ATP2A3: variants seen among roughly 807,000 people sequenced by gnomAD.
ATP2A3 encodes the protein sarcoplasmic/endoplasmic reticulum calcium ATPase 3.
ATP2A3 carries 61 observed loss-of-function variants against 106.8 expected under a neutral mutation model. The observed-to-expected ratio is 0.57, with a 90% CI of 0.46 to 0.71. The LOEUF (loss-of-function observed/expected upper bound fraction) is 0.71, where lower values mean the gene tolerates loss of function less well. ATP2A3 is among the 30% of genes least tolerant of loss of function. The probability of loss-of-function intolerance (pLI) is 0.00; values close to 1 mark genes in which losing one functional copy is unlikely to be tolerated. For missense variants in ATP2A3, 1,201 were observed against 1,423.5 expected (o/e 0.84, Z 2.52); for synonymous variants, 611 against 609.3 (o/e 1.00, Z -0.04).
chr17:3,941,305 G>T lies in ATP2A3; in HGVS notation c.1766C>A (p.Thr589Lys), dbSNP rs776839427. 1.2e-6 allele frequency: 2 copies of T among 1,613,678 alleles called. No homozygotes were observed. The highest frequency in any genetic ancestry group is 1.3e-5 in the African/African-American group (1 of 75,064). ...TACGCAGCCCACGAAGGTCAGGTCCGTCTGTAGGGAGGGGGCAGATTCAAG... is the reference window on the plus strand; with the variant it reads ...TACGCAGCCCACGAAGGTCAGGTCCTTCTGTAGGGAGGGGGCAGATTCAAG... Reference protein sequence around the residue: ...DDCSKFVQYETDLTFVGCVGM... With the variant: ...DDCSKFVQYEKDLTFVGCVGM... Residue 589 changes from threonine to lysine, a missense_variant and splice_region_variant, in exon 14 of 21, where the codon ACG (threonine) becomes AAG (lysine). Thr to Lys is a moderately conservative substitution (Grantham distance 78). Coordinates refer to ENST00000397041, the MANE Select transcript of ATP2A3 (RefSeq NM_005173.4).
chr17:3,951,306 G>T lies in ATP2A3; in HGVS notation c.408C>A (p.Gly136=), dbSNP rs761536391. 1.9e-6 allele frequency: 3 copies of T among 1,613,912 alleles called. No homozygotes were observed. The highest frequency in any genetic ancestry group is 1.7e-6 in the Non-Finnish European group (2 of 1,180,012). The change falls in exon 5 of 21, where the codon GGC becomes GGA. Residue 136 remains glycine (G), a synonymous_variant. Transcript: ENST00000397041. ...MGKVIRSDRK[G]VQRIRARDIV... is the part of the protein sequence containing the mutation. Reference sequence around the variant, plus strand: ...TGTCCCGGGCACGGATCCTCTGCACGCCCTTGCGGTCCGAGCGGATCACCT... The same window carrying T: ...TGTCCCGGGCACGGATCCTCTGCACTCCCTTGCGGTCCGAGCGGATCACCT...
chr17:3,941,755 G>A, intron 12 of ATP2A3, 101 bp from the exon 13 acceptor site: 3 of 1,266,456 alleles, frequency 2.4e-6, no homozygotes, highest in South Asian at 2.5e-5. Flanking sequence ...ACGGGCAAAG[G>A]CCACCCAAGG....
At position 3,929,307 on chromosome 17, in the gene ATP2A3, G is replaced by T; in HGVS notation, c.2862+21C>A. 1.3e-6 allele frequency: 2 copies of T among 1,539,426 alleles called. No homozygotes were observed. The highest frequency in any genetic ancestry group is 1.8e-6 in the Non-Finnish European group (2 of 1,137,654). On this transcript the variant is annotated intron_variant, in intron 19 of 20. Coordinates refer to ENST00000397041, the MANE Select transcript of ATP2A3 (RefSeq NM_005173.4). This position sits in a 1 kb window ranked among gnomAD's most constrained non-coding sequence, Gnocchi z 4.3. Reference sequence around the variant, plus strand: ...TGTGATGTCCAGGGACCAGGGCAGTGGGGCAGGCGGGGTGACTCACAGGCA... The same window carrying T: ...TGTGATGTCCAGGGACCAGGGCAGTTGGGCAGGCGGGGTGACTCACAGGCA...
rs528824596 is a variant in ATP2A3, at chr17:3,956,808, C to T, written c.119-3098G>A. Reference sequence around the variant, plus strand: ...AGCTGAACCTGACTGATACCCCCTCCGCTGTGACCTGGCTTCCTCCGCAAA... The same window carrying T: ...AGCTGAACCTGACTGATACCCCCTCTGCTGTGACCTGGCTTCCTCCGCAAA... On this transcript the variant is annotated intron_variant, in intron 1 of 20. Coordinates refer to ENST00000397041, the MANE Select transcript of ATP2A3 (RefSeq NM_005173.4). Among the ~76,000 whole-genome samples, 146 of 152,334 alleles carry T rather than the reference C, an allele frequency of 9.6e-4. 1 individual carries two copies. The highest frequency in any genetic ancestry group is 6.8e-3 in the Middle Eastern group (2 of 294).
chr17:3,949,332 T>C (rs1347220481), intron 7 of ATP2A3, among the ~76,000 whole-genome samples: 1 of 152,130 alleles, frequency 6.6e-6, no homozygotes, highest in East Asian at 1.9e-4. Context: ...CTTGCTAGCT[T>C]TCTCTGAGGC....
rs762410736 is a variant in ATP2A3 at position 3,941,081 on chromosome 17, C to G, written c.1990G>C (p.Glu664Gln). Residue 664 changes from glutamate to glutamine, a missense_variant, in exon 14 of 21, where the codon GAG (glutamate) becomes CAG (glutamine). Glu to Gln is a conservative substitution (Grantham distance 29, BLOSUM62 2). Around this residue, in one of 2 missense-constraint regions of ATP2A3, gnomAD observed 935 missense variants for 1,176.7 expected, o/e 0.79. Transcript: ENST00000397041. ...GTGCGGCAGGCCTGGCGCTGCTGCT[C>G]GGGGCTGAGGTCATCAAACTCGCGG... ...TGREFDDLSP[E>Q]QQRQACRTAR... The G allele has an allele frequency of 9.3e-6, 15 of 1,613,582 alleles. No individual in the cohort carries two copies. In the Admixed American group the frequency reaches 2.2e-4, roughly 23 times the overall value.
rs760752188 is a variant in ATP2A3 at position 3,958,773 on chromosome 17, T to TAC, written c.119-5065_119-5064dup. Among the ~76,000 whole-genome samples the TAC allele has an allele frequency of 9.1e-5, 12 of 131,764 alleles. 1 individual carries two copies. The highest frequency in any genetic ancestry group is 6.4e-4 in the East Asian group (3 of 4,712). 86.4% of individuals were successfully genotyped at this position (131,764 alleles called of 152,430 possible). A position where few individuals can be genotyped will look rare whatever the true frequency, so the allele number is the denominator to read the frequency against. On this transcript the variant is annotated intron_variant, in intron 1 of 20. Transcript: ENST00000397041. ...ACATATATATACACACACATATATA[T>TAC]ACACACACATATATATACACATATA...
At position 3,928,578 on chromosome 17, in the gene ATP2A3, C is replaced by G. The variant is rs989536967; in HGVS notation, c.2980+85G>C. On this transcript the variant is annotated intron_variant, in intron 20 of 20. Transcript: ENST00000397041. This position sits in a 1 kb window ranked among gnomAD's most constrained non-coding sequence, Gnocchi z 6.1. ...GATGTGCAGACAGAGAGGCTCTGCGCTCCACACCCACAGCGTCCACTGCAG... is the reference window on the plus strand; with the variant it reads ...GATGTGCAGACAGAGAGGCTCTGCGGTCCACACCCACAGCGTCCACTGCAG... The G allele has an allele frequency of 2.2e-5, 28 of 1,269,260 alleles. No homozygotes were observed. The African/African-American group carries it at 3.9e-4, about 17-fold the overall frequency. 78.6% of individuals were successfully genotyped at this position (1,269,260 alleles called of 1,614,324 possible).
chr17:3,937,116 C>T, intron 15 of ATP2A3: 1 of 477,128 alleles, frequency 2.1e-6, no homozygotes. Context: ...AAAGGTGGGG[C>T]TTTTCTCTCA....
chr17:3,940,031 CTTTTTTTTTTTGTTTTTTGT>C lies in ATP2A3; in HGVS notation c.2100+920_2100+939del, dbSNP rs1454443188. On this transcript the variant is annotated intron_variant, in intron 14 of 20. Coordinates refer to ENST00000397041, the MANE Select transcript of ATP2A3 (RefSeq NM_005173.4). ...ATGGGTTGATGGTAATGTGTCATAT[CTTTTTTTTTTTGTTTTTTGT>C]TTTTTTTTTTTTTGGAGAGATGGGG... 1.3e-4 allele frequency among the ~76,000 whole-genome samples: 13 copies of C among 96,546 alleles called. 2 individuals are homozygous for C. Among genetic ancestry groups the C allele is most frequent in the African/African-American group, 6.2e-4 (13 of 21,126 alleles). 63.3% of individuals were successfully genotyped at this position (96,546 alleles called of 152,430 possible).
In ATP2A3 at chr17:3,925,332, A is replaced by C; in HGVS notation, c.*90T>G. 1 of 1,609,024 alleles carries C rather than the reference A, an allele frequency of 6.2e-7. No homozygotes were observed. The highest frequency in any genetic ancestry group is 8.5e-7 in the Non-Finnish European group (1 of 1,177,098). ...GCGGGACCCGGTGGGCAAGTGGGCG[A>C]GTGTGGTGGCAAGGGTGGGGGGCGG... On this transcript the variant is annotated 3_prime_UTR_variant, in exon 21 of 21. Coordinates refer to ENST00000397041, the MANE Select transcript of ATP2A3 (RefSeq NM_005173.4). This position sits in a 1 kb window ranked among gnomAD's most constrained non-coding sequence, Gnocchi z 4.2.
chr17:3,932,986 T>C (rs1302535753), intron 17 of ATP2A3, among the ~76,000 whole-genome samples: 2 of 151,372 alleles, frequency 1.3e-5, no homozygotes, highest in African/African-American at 4.9e-5. Context: ...AACAAGATCA[T>C]GTCAGGATGT....
chr17:3,928,482 G>C lies in ATP2A3; in HGVS notation c.2980+181C>G. ...CAGGTCCCCTGCAGTGCAAGACCCT[G>C]CGGACACCTTGGGACCCAGCCACCA... is the stretch of plus-strand genomic sequence containing the variant. On this transcript the variant is annotated intron_variant, in intron 20 of 20. Coordinates refer to ENST00000397041, the MANE Select transcript of ATP2A3 (RefSeq NM_005173.4). The surrounding 1 kb of genome is among the most constrained non-coding windows in gnomAD (Gnocchi z 6.1). The C allele has an allele frequency of 3.1e-6, 3 of 961,036 alleles. 1 individual carries two copies. The South Asian group carries it at 4.2e-5, about 14-fold the overall frequency. The allele number at this position is 961,036 out of a possible 1,614,324, so 59.5% of individuals were successfully genotyped here.
At chr17:3,958,887 C>CACACATATAT (rs1354215003) in intron 1 of ATP2A3, among the ~76,000 whole-genome samples, 4 of 99,896 alleles carry the variant, frequency 4.0e-5, no homozygotes, top group African/African-American at 1.9e-4. Context: ...CACACACACA[C>CACACATATAT]ATATATATAT....
At chr17:3,949,943 C>T (rs1475083984) in intron 7 of ATP2A3, among the ~76,000 whole-genome samples, 1 of 151,912 alleles carries the variant, frequency 6.6e-6, no homozygotes. Context: ...GGGCGGATCA[C>T]TTGAGGTCAG....
chr17:3,954,287 G>T (rs966941138), intron 1 of ATP2A3, among the ~76,000 whole-genome samples: 71 of 152,004 alleles, frequency 4.7e-4, no homozygotes, highest in Non-Finnish European at 9.1e-4. Context: ...GGGCCCCACC[G>T]CACAGCAGGG....
intron 9 of ATP2A3, 37 bp downstream of exon 9, chr17:3,945,023 G>C (rs1214098492): frequency 1.4e-6 from 2 of 1,470,790 alleles, no homozygotes; most frequent in Admixed American, 4.8e-5. Context: ...CCCGCCCCCA[G>C]GCCGCCCGCC....
intron 15 of ATP2A3, 139 bp downstream of exon 15, chr17:3,937,277 T>TG: frequency 1.0e-6 from 1 of 987,174 alleles, no homozygotes; most frequent in Non-Finnish European, 1.5e-6. Context: ...CACTCCAAGG[T>TG]GGGACCCTGG....
intron 3 of ATP2A3, among the ~76,000 whole-genome samples, chr17:3,952,903 T>A (rs1391816831): frequency 6.6e-6 from 1 of 152,130 alleles, no homozygotes; most frequent in Non-Finnish European, 1.5e-5. Context: ...TCTAAAGACA[T>A]TTTTGATGGT....
Sources: gnomAD v4.1 joint callset for allele counts (sites outside exome capture counted in the v4.1 genomes callset) on GRCh38, gnomAD v4.1.1 for gene constraint, gnomAD v4.1.1 regional missense constraint, Gnocchi (gnomAD v3.1) non-coding constraint, MANE v1.5 for transcripts, NCBI Gene and HGNC (gene_info 2026-07-23, HGNC 2026-07-21) for gene names.